The following ANKRD17 variants were observed in gnomAD, a reference collection of about 807,000 sequenced individuals.
ANKRD17 encodes ankyrin repeat domain-containing protein 17.
In ANKRD17, 19 loss-of-function variants were observed where a neutral mutation model predicts 229.7. That is an observed-to-expected ratio of 0.08 (90% CI 0.06 to 0.12). The LOEUF is 0.12. ANKRD17 is among the 10% of genes least tolerant of loss of function. ANKRD17 has a pLI of 1.00. For missense variants in ANKRD17, 2,176 were observed against 3,176.8 expected, an observed-to-expected ratio of 0.68 and a Z score of 7.57; for synonymous variants, 1,112 against 1,146.1, an observed-to-expected ratio of 0.97 and a Z score of 0.60.
Position 73,258,402 on chromosome 4 carries a change from G to A in ANKRD17, c.267C>T (p.Ser89=), listed in dbSNP as rs959649187. The A allele has an allele frequency of 4.3e-6, 7 of 1,610,890 alleles. No individual in the cohort carries two copies. Among genetic ancestry groups the A allele is most frequent in the Non-Finnish European group, 5.9e-6 (7 of 1,179,464 alleles). ...CGCCGCCGCTGTTGTCGCTGTCGCT[G>A]CTGCTTTCGCTGCTGCTGGGGGGTC... is the stretch of plus-strand genomic sequence containing the variant. ...TCRPPSSSES[S]SDSDNSGGGG... is the part of the protein sequence containing the mutation. The change falls in exon 1 of 34, where the codon AGC becomes AGT. Residue 89 remains serine, a synonymous_variant. Transcript: ENST00000358602.
At chr4:73,183,363 T>C (rs533400836) in intron 1 of ANKRD17, among the ~76,000 whole-genome samples, 3 of 152,324 alleles carry the variant, frequency 2.0e-5, no homozygotes, top group East Asian at 1.9e-4. Context: ...GTGTCGGAAA[T>C]TTGTCATCAA....
At chr4:73,216,958 G>C (rs1012389869) in intron 1 of ANKRD17, among the ~76,000 whole-genome samples, 8 of 152,180 alleles carry the variant, frequency 5.3e-5, no homozygotes, top group Non-Finnish European at 1.0e-4. Context: ...CAAACCAATG[G>C]TTAACAAGAC....
chr4:73,229,906 T>C (rs575597693), intron 1 of ANKRD17, among the ~76,000 whole-genome samples: 29 of 152,266 alleles, frequency 1.9e-4, no homozygotes, highest in South Asian at 1.9e-3. Context: ...GCCTTCTACA[T>C]TTATGTTCAA....
chr4:73,202,184 C>A (rs1454573632), intron 1 of ANKRD17, among the ~76,000 whole-genome samples: 2 of 151,888 alleles, frequency 1.3e-5, no homozygotes, highest in East Asian at 3.9e-4. Flanking sequence ...GAAAGACTTC[C>A]CACCTCTTTT....
intron 30 of ANKRD17, among the ~76,000 whole-genome samples, chr4:73,084,300 C>G (rs1721879501): frequency 6.6e-6 from 1 of 151,956 alleles, no homozygotes; most frequent in South Asian, 2.1e-4. Context: ...ATCGCTTGAG[C>G]CATTGCACTA....
At chr4:73,227,598 CAT>C (rs1454543378) in intron 1 of ANKRD17, among the ~76,000 whole-genome samples, 1 of 151,724 alleles carries the variant, frequency 6.6e-6, no homozygotes, top group African/African-American at 2.4e-5. Context: ...CAAATGTAAA[CAT>C]ATAAAAATAA....
chr4:73,102,736 CA>C, intron 24 of ANKRD17, 189 bp from the exon 25 acceptor site: 1 of 568,566 alleles, frequency 1.8e-6, no homozygotes. Context: ...ATATCAAGAT[CA>C]AATTAACAAT....
chr4:73,189,381 G>A (rs1736723654), intron 1 of ANKRD17, among the ~76,000 whole-genome samples: 1 of 148,448 alleles, frequency 6.7e-6, no homozygotes, highest in South Asian at 2.1e-4. Context: ...TACATATACG[G>A]TGATATTCCT....
intron 2 of ANKRD17, among the ~76,000 whole-genome samples, chr4:73,163,674 T>C (rs1732836128): frequency 6.6e-6 from 1 of 152,196 alleles, no homozygotes; most frequent in Non-Finnish European, 1.5e-5. Flanking sequence ...GCAGCCTAGA[T>C]TAAGCACCGA....
At chr4:73,133,863 G>A (rs962485205) in intron 16 of ANKRD17, among the ~76,000 whole-genome samples, 8 of 152,142 alleles carry the variant, frequency 5.3e-5, no homozygotes, top group Admixed American at 1.3e-4. Context: ...TGGTGTCTTT[G>A]AAGTCATGCT....
chr4:73,140,027 T>A lies in ANKRD17; in HGVS notation c.2589A>T (p.Gln863His). Residue 863 changes from glutamine to histidine, a missense_variant, in exon 15 of 34, where the codon CAA becomes CAT. Coordinates refer to ENST00000358602, the MANE Select transcript of ANKRD17 (RefSeq NM_032217.5). ...CTTTCTGTAGTTCCTCCAAAATCTTTTGTTTCTTCTGAATTTGTTCCTCCC... is the reference window on the plus strand; with the variant it reads ...CTTTCTGTAGTTCCTCCAAAATCTTATGTTTCTTCTGAATTTGTTCCTCCC... Reference protein sequence around the residue: ...KTREEQIQKKQKILEELQKVE... With the variant: ...KTREEQIQKKHKILEELQKVE... 7.4e-6 allele frequency: 12 copies of A among 1,614,218 alleles called. No homozygotes were observed. The highest frequency in any genetic ancestry group is 1.0e-5 in the Non-Finnish European group (12 of 1,180,036).
chr4:73,245,817 A>G (rs140198860), intron 1 of ANKRD17, among the ~76,000 whole-genome samples: 225 of 152,344 alleles, frequency 1.5e-3, no homozygotes, highest in African/African-American at 5.3e-3. Flanking sequence ...GCTGGTTTCC[A>G]AAACTTAGGA....
At chr4:73,161,401 C>A in intron 2 of ANKRD17, 53 bp from the exon 3 acceptor site, 2 of 1,581,396 alleles carry the variant, frequency 1.3e-6, no homozygotes, top group Admixed American at 1.7e-5. Flanking sequence ...AGAAACAAAG[C>A]AAAATTCAAG....
intron 1 of ANKRD17, among the ~76,000 whole-genome samples, chr4:73,212,248 A>G (rs1430617433): frequency 6.6e-6 from 1 of 151,834 alleles, no homozygotes; most frequent in Non-Finnish European, 1.5e-5. Context: ...ACCAACAACA[A>G]AGCTATTCAC....
intron 5 of ANKRD17, 145 bp downstream of exon 5, chr4:73,155,486 C>T: frequency 2.3e-6 from 2 of 872,248 alleles, no homozygotes; most frequent in Non-Finnish European, 3.5e-6. Flanking sequence ...CTATATACTT[C>T]AAAACTCATA....
chr4:73,125,396 C>T (rs1727296885), intron 16 of ANKRD17, 84 bp from the exon 17 acceptor site: 1 of 952,564 alleles, frequency 1.0e-6, no homozygotes, highest in Admixed American at 2.2e-5. Context: ...ATATCAAATA[C>T]ACACAAATAC....
rs1730425877 is a variant in ANKRD17, at chr4:73,147,374, G to A, written c.1626C>T (p.Cys542=). 1 of 1,608,234 alleles carries A rather than the reference G, an allele frequency of 6.2e-7. No individual in the cohort carries two copies. The highest frequency in any genetic ancestry group is 1.1e-5 in the South Asian group (1 of 90,176). The part of the protein sequence containing the change: ...ETQETALTLA[C]CGGFLEVADF... ...CTGCCACTTCCAGAAAGCCTCCACAGCAAGCCAGAGTCAAGGCAGTTTCTT... is the reference window on the plus strand; with the variant it reads ...CTGCCACTTCCAGAAAGCCTCCACAACAAGCCAGAGTCAAGGCAGTTTCTT... The change falls in exon 9 of 34, where the codon TGC becomes TGT. Residue 542 remains cysteine, a synonymous_variant. Transcript: ENST00000358602.
At chr4:73,200,810 C>T (rs1215726968) in intron 1 of ANKRD17, among the ~76,000 whole-genome samples, 2 of 152,022 alleles carry the variant, frequency 1.3e-5, no homozygotes, top group Non-Finnish European at 2.9e-5. Flanking sequence ...CTGTGCTAGG[C>T]ACTGAAGAAC....
chr4:73,255,109 A>G (rs1431592897), intron 1 of ANKRD17, among the ~76,000 whole-genome samples: 6 of 152,202 alleles, frequency 3.9e-5, no homozygotes, highest in Non-Finnish European at 7.4e-5. Context: ...TTCCAGGTAT[A>G]CCCGAAGTTA....
Sources: gnomAD v4.1 joint callset for allele counts (sites outside exome capture counted in the v4.1 genomes callset) on GRCh38, gnomAD v4.1.1 for gene constraint, MANE v1.5 for transcripts, NCBI Gene and HGNC (gene_info 2026-07-23, HGNC 2026-07-21) for gene names.